The following PCDHA3 variants were observed in gnomAD, a reference collection of about 807,000 sequenced individuals.
PCDHA3 encodes the protein protocadherin alpha 3, also known as protocadherin alpha-3.
In PCDHA3, 41 loss-of-function variants were observed where a neutral mutation model predicts 62.2. That is an observed-to-expected ratio of 0.66 (90% CI 0.51 to 0.86). The LOEUF is 0.86. PCDHA3 is among the 40% of genes least tolerant of loss of function. The probability of loss-of-function intolerance (pLI) is 0.00; values close to 1 mark genes in which losing one functional copy is unlikely to be tolerated. For synonymous variants in PCDHA3, 640 were observed against 555.4 expected (o/e 1.15, Z -2.14); for missense variants, 1,304 against 1,241.2 (o/e 1.05, Z -0.76).
chr5:140,891,591 A>T (rs782194139), intron 1 of PCDHA3, among the ~76,000 whole-genome samples: 1 of 152,092 alleles, frequency 6.6e-6, no homozygotes, highest in Non-Finnish European at 1.5e-5. Flanking sequence ...TTATTACTCT[A>T]TCCCATCTAT....
intron 3 of PCDHA3, among the ~76,000 whole-genome samples, chr5:140,983,739 G>T (rs983923811): frequency 5.3e-5 from 8 of 152,194 alleles, no homozygotes; most frequent in African/African-American, 1.9e-4. Context: ...TGGCTGGCTT[G>T]CAATAATCCA....
At position 140,801,068 on chromosome 5, in the gene PCDHA3, A is replaced by C. The variant is rs1762635569; in HGVS notation, c.-130A>C. On this transcript the variant is annotated 5_prime_UTR_variant, in exon 1 of 4. Coordinates refer to ENST00000522353, the MANE Select transcript of PCDHA3 (RefSeq NM_018906.3). The stretch of plus-strand genomic sequence containing the variant: ...AAATAACAGCGTGCATTACGTATTC[A>C]GATACTGCTTTGCTTCATCCTCTCT... 3 of 1,464,114 alleles carry C rather than the reference A, an allele frequency of 2.0e-6. No homozygotes were observed. Among genetic ancestry groups the C allele is most frequent in the Non-Finnish European group, 2.7e-6 (3 of 1,114,102 alleles). 90.7% of individuals were successfully genotyped at this position (1,464,114 alleles called of 1,614,324 possible).
intron 3 of PCDHA3, among the ~76,000 whole-genome samples, chr5:140,991,824 A>T (rs1326935155): frequency 1.3e-5 from 2 of 152,240 alleles, no homozygotes; most frequent in Non-Finnish European, 2.9e-5. Context: ...TTAGGCATTT[A>T]TAACGGCAGA....
chr5:140,836,436 G>A (rs1195331479), intron 1 of PCDHA3: 3 of 1,613,702 alleles, frequency 1.9e-6, no homozygotes, highest in Non-Finnish European at 2.5e-6. Context: ...GGCATCGTTG[G>A]GCATTGCAGG....
chr5:140,906,486 A>C (rs2072686991), intron 1 of PCDHA3, among the ~76,000 whole-genome samples: 1 of 152,270 alleles, frequency 6.6e-6, no homozygotes, highest in East Asian at 1.9e-4. Context: ...GTATAAATGC[A>C]CAAACATGTT....
intron 1 of PCDHA3, among the ~76,000 whole-genome samples, chr5:140,957,165 A>G (rs2095338056): frequency 6.6e-6 from 1 of 152,190 alleles, no homozygotes; most frequent in Non-Finnish European, 1.5e-5. Context: ...AAATCTAAGT[A>G]TATAAATTGG....
chr5:140,827,472 T>G (rs2150147765), intron 1 of PCDHA3, among the ~76,000 whole-genome samples: 59 of 152,234 alleles, frequency 3.9e-4, no homozygotes, highest in Non-Finnish European at 6.9e-4. Flanking sequence ...TGATATTTAT[T>G]GAACAAAGAA....
chr5:140,863,399 A>G, intron 1 of PCDHA3: 2 of 871,986 alleles, frequency 2.3e-6, no homozygotes, highest in Non-Finnish European at 3.6e-6. Context: ...ATGCCGGGCA[A>G]GCCCACGCTG....
intron 1 of PCDHA3, among the ~76,000 whole-genome samples, chr5:140,911,247 A>G (rs2075389238): frequency 6.6e-6 from 1 of 152,124 alleles, no homozygotes; most frequent in Non-Finnish European, 1.5e-5. Context: ...AAAAAGTTTC[A>G]TCAGAATTTA....
At chr5:140,821,568 C>T in intron 1 of PCDHA3, 1 of 542,252 alleles carries the variant, frequency 1.8e-6, no homozygotes, top group Admixed American at 3.6e-5. Context: ...CGCTGGACAC[C>T]GGAAGGTTTT....
intron 1 of PCDHA3, among the ~76,000 whole-genome samples, chr5:140,878,662 C>G (rs1479409326): frequency 6.6e-6 from 1 of 152,194 alleles, no homozygotes; most frequent in African/African-American, 2.4e-5. Context: ...CCAGAGGCTT[C>G]TCTTTAACCA....
intron 1 of PCDHA3, chr5:140,843,814 GA>G (rs1158286974): frequency 7.9e-7 from 1 of 1,259,766 alleles, no homozygotes; most frequent in African/African-American, 1.5e-5. Context: ...ATTTTATAGT[GA>G]AAATTTAAAC....
rs184181976 is a variant in PCDHA3, at chr5:141,009,882, A to C, written c.2798A>C (p.Lys933Thr). Reference protein sequence around the residue: ...KKKKKKKKGNKTQEKKEKGNS... With the variant: ...KKKKKKKKGNTTQEKKEKGNS... Reference sequence around the variant, plus strand: ...AAGAAGAAAAAGAAGAAGGGTAACAAGACCCAGGAGAAAAAAGAGAAAGGG... The same window carrying C: ...AAGAAGAAAAAGAAGAAGGGTAACACGACCCAGGAGAAAAAAGAGAAAGGG... The change falls in exon 4 of 4, where the codon AAG becomes ACG. Residue 933 changes from lysine (K) to threonine (T), a missense_variant. Physicochemically the swap from Lys to Thr is moderately conservative, Grantham distance 78. Transcript: ENST00000522353. 6.2e-7 allele frequency: 1 copy of C among 1,613,488 alleles called. No homozygotes were observed. Among genetic ancestry groups the C allele is most frequent in the Non-Finnish European group, 8.5e-7 (1 of 1,179,914 alleles).
intron 1 of PCDHA3, among the ~76,000 whole-genome samples, chr5:140,941,906 GC>G: frequency 6.6e-6 from 1 of 152,248 alleles, no homozygotes; most frequent in South Asian, 2.1e-4. Context: ...ACATTGAAAT[GC>G]TTTTATGTAT....
rs530025575 is a variant in PCDHA3 at position 140,922,023 on chromosome 5, TA to T, written c.2395-56920del. On this transcript the variant is annotated intron_variant, in intron 1 of 3. Coordinates refer to ENST00000522353, the MANE Select transcript of PCDHA3 (RefSeq NM_018906.3). ...AATGATTAGTTTAAAAAAATAAATA[TA>T]AAAAATGTAATTTTCCCACATACCT... Among the ~76,000 whole-genome samples, 1,214 of 152,080 alleles carry T rather than the reference TA, an allele frequency of 8.0e-3. 6 individuals carry two copies. The highest frequency in any genetic ancestry group is 0.019 in the African/African-American group (784 of 41,506).
Position 140,829,283 on chromosome 5 carries a change from G to C in PCDHA3, c.2394+25692G>C. On this transcript the variant is annotated intron_variant, in intron 1 of 3. Transcript: ENST00000522353. ...GACGCCTCACGTCCCTTTCAAGCTG[G>C]TGTCCACCTTCAAGAATTACTACTC... The C allele has an allele frequency of 6.2e-7, 1 of 1,614,260 alleles. No homozygotes were observed.
In PCDHA3 at chr5:140,870,873, G is replaced by A. The variant is rs782065354; in HGVS notation, c.2394+67282G>A. 5 of 1,613,840 alleles carry A rather than the reference G, an allele frequency of 3.1e-6. No individual in the cohort carries two copies. The Admixed American group carries it at 5.0e-5, about 16-fold the overall frequency. On this transcript the variant is annotated intron_variant, in intron 1 of 3. Transcript: ENST00000522353. ...GGTCGGTGGGTGCGGGCCACGTGGTGGCGAAGGTGCGCGCAGTGGATGCGG... is the reference window on the plus strand; with the variant it reads ...GGTCGGTGGGTGCGGGCCACGTGGTAGCGAAGGTGCGCGCAGTGGATGCGG...
chr5:140,837,954 C>T (rs1258074130), intron 1 of PCDHA3, among the ~76,000 whole-genome samples: 1 of 151,820 alleles, frequency 6.6e-6, no homozygotes, highest in Non-Finnish European at 1.5e-5. Context: ...ATTGGGATTA[C>T]AGACACGAAC....
intron 3 of PCDHA3, among the ~76,000 whole-genome samples, chr5:141,001,297 A>G (rs1367498675): frequency 1.3e-5 from 2 of 152,202 alleles, no homozygotes; most frequent in African/African-American, 2.4e-5. Context: ...ACTGAGGCCC[A>G]GAGATATGAA....
Sources: allele counts gnomAD v4.1 joint callset (sites outside exome capture counted in the v4.1 genomes callset), GRCh38; gene constraint gnomAD v4.1.1; transcripts MANE v1.5; gene names NCBI Gene and HGNC (gene_info 2026-07-23, HGNC 2026-07-21).